Variants in SORCS1 observed in about 807,000 individuals in gnomAD.
SORCS1 encodes the protein sortilin related VPS10 domain containing receptor 1, also known as VPS10 domain-containing receptor SorCS1.
Under a neutral mutation model 146.1 loss-of-function variants are expected in SORCS1, and 60 were observed. The observed-to-expected ratio is 0.41, with a 90% confidence interval of 0.33 to 0.51. The LOEUF (loss-of-function observed/expected upper bound fraction) is 0.51. SORCS1 is among the 20% of genes least tolerant of loss of function. The pLI is 0.21. For synonymous variants in SORCS1, 637 were observed against 584.0 expected, an observed-to-expected ratio of 1.09 and a Z score of -1.31; for missense variants, 1,352 against 1,487.6, an observed-to-expected ratio of 0.91 and a Z score of 1.50.
intron 1 of SORCS1, among the ~76,000 whole-genome samples, chr10:107,064,739 T>C (rs899460169): frequency 2.6e-5 from 4 of 152,226 alleles, no homozygotes; most frequent in South Asian, 2.1e-4. Context: ...ATGCCATCTC[T>C]GTAAGCTCTA....
chr10:106,688,624 A>G (rs1180178092), intron 9 of SORCS1, among the ~76,000 whole-genome samples: 1 of 152,180 alleles, frequency 6.6e-6, no homozygotes, highest in African/African-American at 2.4e-5. Context: ...AGTTGCCAAG[A>G]GATAAATTCT....
chr10:106,598,062 A>G (rs1229745021), intron 23 of SORCS1, among the ~76,000 whole-genome samples: 2 of 152,104 alleles, frequency 1.3e-5, no homozygotes, highest in African/African-American at 4.8e-5. Flanking sequence ...TGAAATATTT[A>G]ACCCCAAGCA....
chr10:106,675,579 G>A (rs1376477121), intron 13 of SORCS1, among the ~76,000 whole-genome samples: 2 of 152,156 alleles, frequency 1.3e-5, no homozygotes, highest in Non-Finnish European at 2.9e-5. Flanking sequence ...AAGTGACCAA[G>A]TCCTCAGTGT....
chr10:106,747,537 C>T (rs935603864), intron 5 of SORCS1, among the ~76,000 whole-genome samples: 1 of 152,194 alleles, frequency 6.6e-6, no homozygotes, highest in African/African-American at 2.4e-5. Context: ...CCTCTATCTA[C>T]TCTGCCTTTC....
chr10:106,928,091 C>T (rs1170138659), intron 2 of SORCS1, among the ~76,000 whole-genome samples: 2 of 152,258 alleles, frequency 1.3e-5, no homozygotes, highest in Admixed American at 6.5e-5. Context: ...CTGCCAGTCC[C>T]GCGCCGTGCA....
intron 1 of SORCS1, among the ~76,000 whole-genome samples, chr10:107,072,195 T>A (rs909216046): frequency 3.9e-5 from 6 of 152,184 alleles, no homozygotes; most frequent in Admixed American, 1.3e-4. Flanking sequence ...AACCCTGCAG[T>A]CTTCCTGAAG....
intron 19 of SORCS1, among the ~76,000 whole-genome samples, chr10:106,627,223 G>C (rs1392548774): frequency 6.6e-6 from 1 of 152,146 alleles, no homozygotes; most frequent in Non-Finnish European, 1.5e-5. Flanking sequence ...AGAGTGACAA[G>C]GAGGTGAAGC....
chr10:107,008,327 C>T (rs1471125192), intron 1 of SORCS1, among the ~76,000 whole-genome samples: 1 of 152,114 alleles, frequency 6.6e-6, no homozygotes, highest in Non-Finnish European at 1.5e-5. Flanking sequence ...GTGTTCAAGC[C>T]AAGTCACAAG....
At chr10:106,920,706 G>C (rs929352053) in intron 2 of SORCS1, among the ~76,000 whole-genome samples, 1 of 152,148 alleles carries the variant, frequency 6.6e-6, no homozygotes, top group Non-Finnish European at 1.5e-5. Context: ...TTTGTGGCTG[G>C]GAGGTTTCCA....
At chr10:106,905,273 A>C (rs968863527) in intron 2 of SORCS1, among the ~76,000 whole-genome samples, 3 of 152,208 alleles carry the variant, frequency 2.0e-5, no homozygotes, top group African/African-American at 7.2e-5. Context: ...TGGTGAATTT[A>C]TTTAGAAAAT....
At position 106,629,269 on chromosome 10, in the gene SORCS1, GA is replaced by G. The variant is rs1848289714; in HGVS notation, c.2594del (p.Phe865SerfsTer3). 2 of 1,613,984 alleles carry G rather than the reference GA, an allele frequency of 1.2e-6. No individual in the cohort carries two copies. Among genetic ancestry groups the G allele is most frequent in the African/African-American group, 1.3e-5 (1 of 74,946 alleles). ...TGTTGTCCACCTGCACGGTCACACG[GA>G]AAATGCCCACGTTCTGATAGACGTG... The part of the protein sequence containing the change: ...IKHVYQNVGI[F>X]RVTVQVDNSL... On this transcript the variant is annotated frameshift_variant, in exon 19 of 26. Coordinates refer to ENST00000263054, the MANE Select transcript of SORCS1 (RefSeq NM_052918.5). LOFTEE classifies it high-confidence loss of function.
chr10:107,054,570 AC>A (rs1960420774), intron 1 of SORCS1, among the ~76,000 whole-genome samples: 1 of 152,196 alleles, frequency 6.6e-6, no homozygotes, highest in African/African-American at 2.4e-5. Flanking sequence ...TAGAATTTTA[AC>A]AGGGAGTCAA....
At chr10:106,645,372 T>A (rs1158068282) in intron 18 of SORCS1, among the ~76,000 whole-genome samples, 1 of 152,104 alleles carries the variant, frequency 6.6e-6, no homozygotes, top group Non-Finnish European at 1.5e-5. Context: ...TTTGTATTTT[T>A]AGTAGAGATG....
At chr10:106,705,782 C>T (rs906380454) in intron 8 of SORCS1, among the ~76,000 whole-genome samples, 6 of 152,190 alleles carry the variant, frequency 3.9e-5, no homozygotes, top group Non-Finnish European at 5.9e-5. Flanking sequence ...TCCATATTAA[C>T]GCAGTTCTTC....
intron 1 of SORCS1, among the ~76,000 whole-genome samples, chr10:107,008,099 A>G (rs1039022975): frequency 2.1e-5 from 3 of 142,198 alleles, no homozygotes; most frequent in African/African-American, 3.2e-5. Flanking sequence ...GATAGCATCA[A>G]TTAGATTCAA....
At chr10:106,827,313 AT>A (rs1178824319) in intron 3 of SORCS1, among the ~76,000 whole-genome samples, 3 of 147,398 alleles carry the variant, frequency 2.0e-5, no homozygotes, top group Non-Finnish European at 4.4e-5. Context: ...CCATTTTCCT[AT>A]ATTAGTTTAC....
At chr10:106,989,271 GAAAAAAAAAAAAA>G (rs1161174866) in intron 1 of SORCS1, among the ~76,000 whole-genome samples, 6 of 75,672 alleles carry the variant, frequency 7.9e-5, no homozygotes, top group Non-Finnish European at 1.4e-4. Flanking sequence ...CTCCACCTCA[GAAAAAAAAAAAAA>G]AAAAAAAAAA....
At chr10:106,917,931 CT>C (rs1952523075) in intron 2 of SORCS1, among the ~76,000 whole-genome samples, 1 of 152,178 alleles carries the variant, frequency 6.6e-6, no homozygotes, top group South Asian at 2.1e-4. Flanking sequence ...ATGCTAACTT[CT>C]TCCTTAGTAA....
intron 3 of SORCS1, among the ~76,000 whole-genome samples, chr10:106,797,643 C>G (rs821995): frequency 6.6e-6 from 1 of 151,872 alleles, no homozygotes; most frequent in Non-Finnish European, 1.5e-5. Context: ...TCTCCAAGCA[C>G]GCTTGGGGTA....
Sources: gnomAD v4.1 joint callset for allele counts (sites outside exome capture counted in the v4.1 genomes callset) on GRCh38, gnomAD v4.1.1 for gene constraint, MANE v1.5 for transcripts, NCBI Gene and HGNC (gene_info 2026-07-23, HGNC 2026-07-21) for gene names.